CAMTA1: variants seen among roughly 807,000 people sequenced by gnomAD.
CAMTA1 encodes the protein calmodulin binding transcription activator 1, also known as calmodulin-binding transcription activator 1.
Under a neutral mutation model 170.9 loss-of-function variants are expected in CAMTA1, and 27 were observed. The ratio of observed to expected loss-of-function variants is 0.16; its 90% confidence interval spans 0.12 to 0.22. CAMTA1 has a LOEUF of 0.22. Ranked by LOEUF, CAMTA1 falls within the 10% of genes least tolerant of loss-of-function variation. The pLI is 1.00. For missense variants in CAMTA1, 1,619 were observed against 2,217.2 expected (o/e 0.73, Z 5.42); for synonymous variants, 833 against 891.5 (o/e 0.93, Z 1.17).
chr1:7,744,116 T>C (rs2096839112), intron 16 of CAMTA1, among the ~76,000 whole-genome samples: 1 of 140,014 alleles, frequency 7.1e-6, no homozygotes. Context: ...CGTGAGCCAC[T>C]GCGCCTGGCC....
intron 3 of CAMTA1, among the ~76,000 whole-genome samples, chr1:7,040,712 T>C (rs902466106): frequency 2.0e-5 from 3 of 150,646 alleles, no homozygotes; most frequent in Non-Finnish European, 4.4e-5. Context: ...GCCTTGGCCA[T>C]GGATCTCCCT....
chr1:7,172,667 T>C (rs992379338), intron 4 of CAMTA1, among the ~76,000 whole-genome samples: 7 of 152,218 alleles, frequency 4.6e-5, no homozygotes, highest in Admixed American at 2.0e-4. Flanking sequence ...ACGGTCTCAC[T>C]GGGCAGCTGA....
At chr1:7,284,706 T>A (rs557161618) in intron 5 of CAMTA1, among the ~76,000 whole-genome samples, 1 of 152,330 alleles carries the variant, frequency 6.6e-6, no homozygotes, top group East Asian at 1.9e-4. Flanking sequence ...GCAGTTCTTG[T>A]GCTCGCCACA....
At chr1:7,554,158 G>A (rs557462236) in intron 6 of CAMTA1, among the ~76,000 whole-genome samples, 1 of 152,262 alleles carries the variant, frequency 6.6e-6, no homozygotes, top group Non-Finnish European at 1.5e-5. Context: ...AGTCATTCCC[G>A]GGTTCGTTTC....
At chr1:7,369,762 G>A (rs1166609705) in intron 5 of CAMTA1, among the ~76,000 whole-genome samples, 1 of 152,048 alleles carries the variant, frequency 6.6e-6, no homozygotes, top group Non-Finnish European at 1.5e-5. Context: ...GAGGTCATGG[G>A]ACCCCAAACA....
At chr1:7,323,501 A>C (rs1165086018) in intron 5 of CAMTA1, among the ~76,000 whole-genome samples, 5 of 106,622 alleles carry the variant, frequency 4.7e-5, no homozygotes, top group African/African-American at 1.4e-4. Context: ...TATTTCCTTT[A>C]TTCTTCTTTT....
chr1:6,999,746 A>G (rs1183832875), intron 3 of CAMTA1, among the ~76,000 whole-genome samples: 1 of 152,030 alleles, frequency 6.6e-6, no homozygotes, highest in Non-Finnish European at 1.5e-5. Flanking sequence ...GCTGCCTTGG[A>G]GGGTCATACA....
chr1:6,990,429 T>A (rs1221219348), intron 3 of CAMTA1, among the ~76,000 whole-genome samples: 1 of 152,220 alleles, frequency 6.6e-6, no homozygotes, highest in Non-Finnish European at 1.5e-5. Flanking sequence ...CATCAATCCA[T>A]CTTGGTTTGA....
At chr1:6,968,535 A>G (rs1691973826) in intron 3 of CAMTA1, among the ~76,000 whole-genome samples, 1 of 152,044 alleles carries the variant, frequency 6.6e-6, no homozygotes, top group East Asian at 1.9e-4. Context: ...GGCAGTGCAT[A>G]TGGTCCTTGT....
intron 11 of CAMTA1, among the ~76,000 whole-genome samples, chr1:7,728,611 T>C (rs2096708954): frequency 2.0e-5 from 3 of 152,212 alleles, no homozygotes; most frequent in African/African-American, 7.2e-5. Flanking sequence ...ATGGGATGCA[T>C]AACGATCTCC....
intron 5 of CAMTA1, among the ~76,000 whole-genome samples, chr1:7,425,335 A>G (rs2091818904): frequency 6.6e-6 from 1 of 152,128 alleles, no homozygotes; most frequent in African/African-American, 2.4e-5. Context: ...CCTGGGGGCC[A>G]GCGGGGCTCT....
At chr1:7,511,006 C>G (rs1458855896) in intron 6 of CAMTA1, among the ~76,000 whole-genome samples, 1 of 144,926 alleles carries the variant, frequency 6.9e-6, no homozygotes, top group Non-Finnish European at 1.5e-5. Flanking sequence ...AGCCTCCCCT[C>G]TTTAAACTCT....
chr1:7,140,031 A>G (rs577705203), intron 4 of CAMTA1, among the ~76,000 whole-genome samples: 1 of 152,280 alleles, frequency 6.6e-6, no homozygotes, highest in East Asian at 1.9e-4. Context: ...TTTTTCAACA[A>G]TCTTGTTTGA....
chr1:7,208,496 GC>G (rs1658168371), intron 4 of CAMTA1, among the ~76,000 whole-genome samples: 1 of 152,214 alleles, frequency 6.6e-6, no homozygotes, highest in Non-Finnish European at 1.5e-5. Context: ...TGATGTGAAA[GC>G]TACATAGGGC....
intron 3 of CAMTA1, among the ~76,000 whole-genome samples, chr1:7,074,204 A>G (rs1639012551): frequency 6.6e-6 from 1 of 152,238 alleles, no homozygotes. Flanking sequence ...AAGATCAGAA[A>G]GTCAGAAATC....
chr1:6,961,394 C>T (rs367681037), intron 3 of CAMTA1, among the ~76,000 whole-genome samples: 5 of 152,162 alleles, frequency 3.3e-5, no homozygotes, highest in Admixed American at 6.5e-5. Context: ...CCAGTTCAGG[C>T]GCCACCATCG....
At chr1:6,961,564 G>A (rs547729238) in intron 3 of CAMTA1, among the ~76,000 whole-genome samples, 1 of 133,414 alleles carries the variant, frequency 7.5e-6, no homozygotes, top group Non-Finnish European at 1.6e-5. Flanking sequence ...GGGCGTGAGA[G>A]CCCAGGGCTC....
chr1:7,165,265 AATGTACAG>A (rs1260955134), intron 4 of CAMTA1, among the ~76,000 whole-genome samples: 8 of 152,210 alleles, frequency 5.3e-5, no homozygotes, highest in African/African-American at 1.2e-4. Flanking sequence ...AGAATAATGT[AATGTACAG>A]CTGTTTACCC....
intron 6 of CAMTA1, among the ~76,000 whole-genome samples, chr1:7,612,122 G>A (rs2095528103): frequency 6.6e-6 from 1 of 152,222 alleles, no homozygotes; most frequent in South Asian, 2.1e-4. Context: ...GAGTCAGGAT[G>A]ACAGCCTTTT....
Sources: gnomAD v4.1 joint callset for allele counts (sites outside exome capture counted in the v4.1 genomes callset) on GRCh38, gnomAD v4.1.1 for gene constraint, MANE v1.5 for transcripts, NCBI Gene and HGNC (gene_info 2026-07-23, HGNC 2026-07-21) for gene names.